Variants in PDHA1 observed in about 807,000 individuals in gnomAD.
PDHA1 encodes pyruvate dehydrogenase E1 subunit alpha 1.
PDHA1 carries 1 observed loss-of-function variant against 33.0 expected under a neutral mutation model. That is an observed-to-expected ratio of 0.03 (90% CI 0.01 to 0.14). PDHA1 has a LOEUF of 0.14. Ranked by LOEUF, PDHA1 falls within the 10% of genes least tolerant of loss-of-function variation. The pLI is 1.00. For missense variants in PDHA1, 168 were observed against 325.1 expected (o/e 0.52, Z 3.72); for synonymous variants, 123 against 119.2 (o/e 1.03, Z -0.21).
Position 19,361,144 on chromosome X carries a change from G to A in PDHA1, c.*1491G>A, listed in dbSNP as rs1414511000. 9.3e-6 allele frequency: 4 copies of A among 429,374 alleles called. No homozygotes were observed. Among genetic ancestry groups the A allele is most frequent in the Non-Finnish European group, 1.2e-5 (3 of 250,881 alleles). The allele number at this position is 429,374 out of a possible 1,213,427, so 35.4% of individuals were successfully genotyped here. On this transcript the variant is annotated 3_prime_UTR_variant, in exon 11 of 11. Coordinates refer to ENST00000422285, the MANE Select transcript of PDHA1 (RefSeq NM_000284.4). ...GGCATTAATGGCAGGAGATTGGCCA[G>A]CTCTTCTCTGTCACATTCCTATTTC...
At chrX:19,356,558 G>C (rs1164650218) in intron 8 of PDHA1, among the ~76,000 whole-genome samples, 1 of 111,835 alleles carries the variant, frequency 8.9e-6, no homozygotes, top group African/African-American at 3.3e-5. Flanking sequence ...GGGCTGAGCA[G>C]TCTATGTCAG....
intron 5 of PDHA1, 25 bp downstream of exon 5, chrX:19,353,198 C>G: frequency 8.8e-7 from 1 of 1,134,633 alleles, no homozygotes. Context: ...GGATTGTGTG[C>G]TGCTTTAGAT....
In PDHA1 at chrX:19,359,042, T is replaced by C. The variant is rs770340944; in HGVS notation, c.1008+18T>C. The C allele has an allele frequency of 5.7e-6, 6 of 1,056,033 alleles. No homozygotes were observed. Among genetic ancestry groups the C allele is most frequent in the African/African-American group, 1.8e-5 (1 of 54,796 alleles). 87.0% of individuals were successfully genotyped at this position (1,056,033 alleles called of 1,213,427 possible). ...AACTAAAGGTACAGTCACTTGTTCA[T>C]GGTGGTTTGAAGGTTGGCTTTAAAA... On this transcript the variant is annotated intron_variant, in intron 10 of 10. Transcript: ENST00000422285.
chrX:19,359,974 C>T lies in PDHA1; in HGVS notation c.*321C>T, dbSNP rs886566327. The T allele has an allele frequency of 6.6e-4, 199 of 299,850 alleles. No homozygotes were observed. The highest frequency in any genetic ancestry group is 1.6e-4 in the Non-Finnish European group (27 of 165,940). 24.7% of individuals were successfully genotyped at this position (299,850 alleles called of 1,213,427 possible). A position where few individuals can be genotyped will look rare whatever the true frequency, so the allele number is the denominator to read the frequency against. On this transcript the variant is annotated 3_prime_UTR_variant, in exon 11 of 11. Coordinates refer to ENST00000422285, the MANE Select transcript of PDHA1 (RefSeq NM_000284.4). ...CCTTTTTGGGAGGAGACCATTATGG[C>T]GGGGCCCCTCACAGCATTCTACCAA...
intron 5 of PDHA1, among the ~76,000 whole-genome samples, chrX:19,353,929 G>T (rs2063178913): frequency 1.8e-5 from 2 of 110,916 alleles, no homozygotes; most frequent in Admixed American, 1.9e-4. Flanking sequence ...TCTATTATGT[G>T]TTGTTTTTTT....
At position 19,355,351 on chromosome X, in the gene PDHA1, C is replaced by A; in HGVS notation, c.606C>A (p.Gly202=). Residue 202 remains glycine, a splice_region_variant and synonymous_variant, in exon 7 of 11, where the codon GGC becomes GGA. Transcript: ENST00000422285. The part of the protein sequence containing the change: ...TLYGDGAANQ[G]QIFEAYNMAA... ...CCCCTTTTCGTAACTACTTCCAGGG[C>A]CAGATATTCGAAGCTTACAACATGG... 2 of 1,211,413 alleles carry A rather than the reference C, an allele frequency of 1.7e-6. No homozygotes were observed. Among genetic ancestry groups the A allele is most frequent in the Non-Finnish European group, 2.2e-6 (2 of 894,936 alleles).
At position 19,360,580 on chromosome X, in the gene PDHA1, G is replaced by A; in HGVS notation, c.*927G>A. On this transcript the variant is annotated 3_prime_UTR_variant, in exon 11 of 11. Coordinates refer to ENST00000422285, the MANE Select transcript of PDHA1 (RefSeq NM_000284.4). Reference sequence around the variant, plus strand: ...CACAGTTCTATGTTTATAAATAACAGGTTTCAAAAGAAACTCAGGACAGTA... The same window carrying A: ...CACAGTTCTATGTTTATAAATAACAAGTTTCAAAAGAAACTCAGGACAGTA... The A allele has an allele frequency of 2.4e-6, 1 of 416,989 alleles. No homozygotes were observed. Among genetic ancestry groups the A allele is most frequent in the Non-Finnish European group, 4.1e-6 (1 of 241,248 alleles). The allele number at this position is 416,989 out of a possible 1,213,427, so 34.4% of individuals were successfully genotyped here. A position where few individuals can be genotyped will look rare whatever the true frequency, so the allele number is the denominator to read the frequency against.
intron 1 of PDHA1, among the ~76,000 whole-genome samples, chrX:19,348,670 G>A (rs916684068): frequency 4.4e-5 from 5 of 112,648 alleles, no homozygotes; most frequent in East Asian, 2.8e-4. Flanking sequence ...AAGGCCAGAC[G>A]CAGTGGCTCA....
intron 1 of PDHA1, among the ~76,000 whole-genome samples, chrX:19,345,572 T>TTA (rs2063125797): frequency 3.3e-5 from 1 of 30,263 alleles, no homozygotes; most frequent in African/African-American, 9.5e-5. Context: ...CTCCGTATTT[T>TTA]AAAAAAAAAA....
rs867058680 is a variant in PDHA1, at chrX:19,349,213, A to G, written c.58-99A>G. The G allele has an allele frequency of 1.2e-4, 71 of 595,599 alleles. No individual in the cohort carries two copies. The Middle Eastern group carries it at 2.9e-3, about 25-fold the overall frequency. The allele number at this position is 595,599 out of a possible 1,213,427, so 49.1% of individuals were successfully genotyped here. A position where few individuals can be genotyped will look rare whatever the true frequency, so the allele number is the denominator to read the frequency against. On this transcript the variant is annotated intron_variant, in intron 1 of 10. Transcript: ENST00000422285. ...GCCTATGAATATGTTGGGGCTTATT[A>G]AATTTCCATAACTTCATTCTGATAA...
At position 19,353,346 on chromosome X, in the gene PDHA1, T is replaced by C. The variant is rs750946590; in HGVS notation, c.510+173T>C. The C allele has an allele frequency of 2.2e-3, 1,078 of 491,258 alleles. 3 individuals carry two copies. Among genetic ancestry groups the C allele is most frequent in the Non-Finnish European group, 2.5e-3 (670 of 272,699 alleles). The allele number at this position is 491,258 out of a possible 1,213,427, so 40.5% of individuals were successfully genotyped here. A position where few individuals can be genotyped will look rare whatever the true frequency, so the allele number is the denominator to read the frequency against. The stretch of plus-strand genomic sequence containing the variant: ...TGGACCCATAAGATTATAATGGAGC[T>C]GAAAAATTCCTGTCGCCTAGTGATG... On this transcript the variant is annotated intron_variant, in intron 5 of 10. Transcript: ENST00000422285.
intron 1 of PDHA1, chrX:19,346,472 C>G (rs1178199406): frequency 4.8e-6 from 2 of 417,531 alleles, no homozygotes; most frequent in Admixed American, 6.3e-5. Context: ...TGTGCCACCA[C>G]CACACCCAGC....
At chrX:19,356,777 C>G (rs1026372514) in intron 8 of PDHA1, among the ~76,000 whole-genome samples, 11 of 88,864 alleles carry the variant, frequency 1.2e-4, no homozygotes. Flanking sequence ...GACAAGGAAA[C>G]TGAGCCATAG....
At chrX:19,344,752 C>T (rs566773729) in intron 1 of PDHA1, among the ~76,000 whole-genome samples, 2 of 112,975 alleles carry the variant, frequency 1.8e-5, no homozygotes, top group African/African-American at 6.4e-5. Context: ...GAAACGATTC[C>T]AAATAGCACC....
chrX:19,355,843 T>C (rs2063193635), intron 8 of PDHA1, 86 bp downstream of exon 8: 1 of 681,264 alleles, frequency 1.5e-6, no homozygotes, highest in Non-Finnish European at 2.4e-6. Context: ...AAGCTGTTAG[T>C]GGGTACCTGC....
intron 4 of PDHA1, chrX:19,352,715 AT>A (rs1457601983): frequency 4.2e-6 from 1 of 239,783 alleles, no homozygotes; most frequent in African/African-American, 2.8e-5. Flanking sequence ...AAATCTGTGT[AT>A]AAGTGTACCT....
In PDHA1 at chrX:19,361,525, G is replaced by A; in HGVS notation, c.*1872G>A. The A allele has an allele frequency of 1.7e-6, 2 of 1,211,406 alleles. No individual in the cohort carries two copies. ...ATTGTCTTTGCATCAGCTCCTTGCA[G>A]CCGCAACCAGTCTATAAGCTCTTTA... On this transcript the variant is annotated 3_prime_UTR_variant, in exon 11 of 11. Coordinates refer to ENST00000422285, the MANE Select transcript of PDHA1 (RefSeq NM_000284.4).
At chrX:19,350,642 A>T (rs1007732582) in intron 3 of PDHA1, among the ~76,000 whole-genome samples, 14 of 112,535 alleles carry the variant, frequency 1.2e-4, no homozygotes, top group African/African-American at 4.5e-4. Context: ...TCATTCACAC[A>T]TAACATTGCC....
rs2063260470 is a variant in PDHA1 at position 19,360,048 on chromosome X, G to A, written c.*395G>A. On this transcript the variant is annotated 3_prime_UTR_variant, in exon 11 of 11. Coordinates refer to ENST00000422285, the MANE Select transcript of PDHA1 (RefSeq NM_000284.4). The stretch of plus-strand genomic sequence containing the variant: ...GCTGGTGCTGCAGCCTGTTCGCGCT[G>A]ACCATTTCTCTACAAGATACAATAT... 2.9e-5 allele frequency: 6 copies of A among 204,052 alleles called. No homozygotes were observed. The South Asian group carries it at 3.8e-4, about 13-fold the overall frequency. The allele number at this position is 204,052 out of a possible 1,213,427, so 16.8% of individuals were successfully genotyped here. A position where few individuals can be genotyped will look rare whatever the true frequency, so the allele number is the denominator to read the frequency against.
Sources: allele counts gnomAD v4.1 joint callset (sites outside exome capture counted in the v4.1 genomes callset), GRCh38; gene constraint gnomAD v4.1.1; transcripts MANE v1.5; gene names NCBI Gene and HGNC (gene_info 2026-07-23, HGNC 2026-07-21).